Variants in GRIP1 observed in about 807,000 individuals in gnomAD.
GRIP1 encodes glutamate receptor interacting protein 1, also known as glutamate receptor-interacting protein 1.
GRIP1 carries 45 observed loss-of-function variants against 129.9 expected under a neutral mutation model. That is an observed-to-expected ratio of 0.35 (90% confidence interval 0.27 to 0.44). The LOEUF (loss-of-function observed/expected upper bound fraction) is 0.44. Ranked by LOEUF, GRIP1 falls within the 20% of genes least tolerant of loss-of-function variation. The pLI, the probability that GRIP1 is intolerant of heterozygous loss-of-function variation, is 1.00. For synonymous variants in GRIP1, 530 were observed against 520.8 expected (o/e 1.02, Z -0.24); for missense variants, 1,196 against 1,396.8 (o/e 0.86, Z 2.29).
At chr12:66,462,873 G>A (rs2138323281) in intron 9 of GRIP1, 51 bp downstream of exon 9, 1 of 1,399,630 alleles carries the variant, frequency 7.1e-7, no homozygotes, top group Non-Finnish European at 1.0e-6. Flanking sequence ...GCTAGAGGGA[G>A]CAACACTGTG....
chr12:66,460,615 T>C (rs1039161280), intron 9 of GRIP1, among the ~76,000 whole-genome samples: 2 of 152,226 alleles, frequency 1.3e-5, no homozygotes, highest in African/African-American at 2.4e-5. Flanking sequence ...GTGAAAGGCA[T>C]AGCTAATCTC....
intron 1 of GRIP1, among the ~76,000 whole-genome samples, chr12:66,635,256 A>T (rs981105917): frequency 5.3e-5 from 8 of 150,474 alleles, no homozygotes; most frequent in Admixed American, 2.0e-4. Context: ...CATCTTTATT[A>T]AAAAAAATAA....
In GRIP1 at chr12:66,377,031, T is replaced by G; in HGVS notation, c.2764A>C (p.Asn922His). Residue 922 changes from asparagine (N) to histidine (H), a missense_variant, in exon 22 of 25, where the codon AAC becomes CAC. This residue lies in a region of GRIP1 where 427 missense variants were observed against 463.3 expected (regional missense o/e 0.92). Coordinates refer to ENST00000359742, the MANE Select transcript of GRIP1 (RefSeq NM_001366722.1). ...EKADRRVSLR[N>H]MTLLATIMSG... Reference sequence around the variant, plus strand: ...AGGGTAGCTACCAAGAGAGTCATGTTTCTCAAAGACACACGCCTGTCAGCT... The same window carrying G: ...AGGGTAGCTACCAAGAGAGTCATGTGTCTCAAAGACACACGCCTGTCAGCT... 1 of 1,612,204 alleles carries G rather than the reference T, an allele frequency of 6.2e-7. No individual in the cohort carries two copies. The highest frequency in any genetic ancestry group is 8.5e-7 in the Non-Finnish European group (1 of 1,178,244).
chr12:66,804,796 A>T (rs933624111), upstream of GRIP1, among the ~76,000 whole-genome samples: 5 of 152,204 alleles, frequency 3.3e-5, no homozygotes, highest in African/African-American at 1.2e-4. Flanking sequence ...CAATGGGCGT[A>T]CTGATTAACC....
chr12:66,684,229 T>C (rs570116404), intron 1 of GRIP1, among the ~76,000 whole-genome samples: 1 of 152,204 alleles, frequency 6.6e-6, no homozygotes, highest in Non-Finnish European at 1.5e-5. Context: ...ATTAGCTCCA[T>C]GTGATTAGTA....
At chr12:66,688,106 T>C (rs2034848242) in intron 1 of GRIP1, among the ~76,000 whole-genome samples, 1 of 152,198 alleles carries the variant, frequency 6.6e-6, no homozygotes, top group Non-Finnish European at 1.5e-5. Context: ...TCCGGATTCA[T>C]CCATTTCTAA....
chr12:66,616,424 G>A (rs899590367), intron 1 of GRIP1, among the ~76,000 whole-genome samples: 4 of 152,110 alleles, frequency 2.6e-5, no homozygotes, highest in African/African-American at 9.7e-5. Context: ...ATCTACTGCA[G>A]GAACACATAT....
chr12:66,387,295 G>C (rs1290965482), intron 19 of GRIP1, among the ~76,000 whole-genome samples: 2 of 152,202 alleles, frequency 1.3e-5, no homozygotes, highest in African/African-American at 4.8e-5. Context: ...ACAGACTGAA[G>C]GGAGCAATTG....
At chr12:66,601,390 T>A (rs1202907710) in intron 1 of GRIP1, among the ~76,000 whole-genome samples, 5 of 152,144 alleles carry the variant, frequency 3.3e-5, no homozygotes, top group Non-Finnish European at 7.4e-5. Context: ...TCCTCCAACG[T>A]TTGCTTGGTA....
intron 6 of GRIP1, among the ~76,000 whole-genome samples, chr12:66,517,068 T>C (rs886145526): frequency 4.6e-5 from 7 of 152,168 alleles, no homozygotes; most frequent in Admixed American, 2.6e-4. Context: ...TTATTATTAT[T>C]ATTATCTCTA....
chr12:66,421,033 G>A (rs1368136611), intron 14 of GRIP1, among the ~76,000 whole-genome samples: 2 of 152,210 alleles, frequency 1.3e-5, no homozygotes, highest in South Asian at 2.1e-4. Context: ...AATTGGATAA[G>A]TACCCATTTA....
At chr12:66,843,340 T>C (rs1432191895) in intron 1 of GRIP1, among the ~76,000 whole-genome samples, 3 of 152,054 alleles carry the variant, frequency 2.0e-5, no homozygotes, top group African/African-American at 7.2e-5. Flanking sequence ...GAATTGAATA[T>C]GAGAATGAAA....
chr12:66,529,428 T>C (rs963983923), intron 5 of GRIP1, among the ~76,000 whole-genome samples: 1 of 152,192 alleles, frequency 6.6e-6, no homozygotes, highest in African/African-American at 2.4e-5. Flanking sequence ...GAAACTGGTA[T>C]ACATATACAA....
intron 1 of GRIP1, among the ~76,000 whole-genome samples, chr12:66,768,233 A>G (rs1357780639): frequency 5.3e-5 from 8 of 152,228 alleles, no homozygotes; most frequent in African/African-American, 1.9e-4. Context: ...AGCAAATGCC[A>G]TTTGAGAATT....
chr12:66,622,331 T>G (rs1044780054), intron 1 of GRIP1, among the ~76,000 whole-genome samples: 3 of 151,964 alleles, frequency 2.0e-5, no homozygotes, highest in African/African-American at 7.3e-5. Flanking sequence ...ATAGATAGAA[T>G]GAATAAGATC....
intron 1 of GRIP1, among the ~76,000 whole-genome samples, chr12:66,715,452 A>G (rs935112519): frequency 2.7e-5 from 2 of 73,090 alleles, no homozygotes; most frequent in African/African-American, 1.1e-4. Context: ...TTGTAGCTTG[A>G]TGTGTGTGTG....
At position 66,860,388 on chromosome 12, in the gene GRIP1, T is replaced by A. The variant is rs189928725; in HGVS notation, c.58+208662A>T. On this transcript the variant is annotated intron_variant, in intron 1 of 1. Transcript: ENST00000643019. ...GTACCAAACACGGGCACTTGGAGCA[T>A]TCGTCTCTTAGCCCCTTTTTGAAAG... 4.7e-4 allele frequency among the ~76,000 whole-genome samples: 72 copies of A among 152,236 alleles called. 1 individual carries two copies. In the Middle Eastern group the frequency reaches 0.017, roughly 36 times the overall value.
intron 2 of GRIP1, among the ~76,000 whole-genome samples, chr12:66,553,632 A>C (rs1202016635): frequency 6.6e-6 from 1 of 151,884 alleles, no homozygotes; most frequent in Non-Finnish European, 1.5e-5. Flanking sequence ...ACCTGGTTTT[A>C]ACTTCATATC....
chr12:66,994,396 C>T (rs183836728), intron 1 of GRIP1, among the ~76,000 whole-genome samples: 1 of 151,132 alleles, frequency 6.6e-6, no homozygotes, highest in East Asian at 1.9e-4. Flanking sequence ...ATGATAATGT[C>T]AACAGATGCA....
Sources: allele counts gnomAD v4.1 joint callset (sites outside exome capture counted in the v4.1 genomes callset), GRCh38; gene constraint gnomAD v4.1.1; regional missense constraint gnomAD v4.1.1; transcripts MANE v1.5; gene names NCBI Gene and HGNC (gene_info 2026-07-23, HGNC 2026-07-21).